The following GALNT13 variants were observed in gnomAD, a reference collection of about 807,000 sequenced individuals.
GALNT13 encodes the protein UDP-GalNAc:polypeptide N-acetylgalactosaminyltransferase 13.
In GALNT13, 28 loss-of-function variants were observed where a neutral mutation model predicts 64.2. The ratio of observed to expected loss-of-function variants is 0.44; its 90% confidence interval spans 0.32 to 0.60. The LOEUF is 0.60. Ranked by LOEUF, GALNT13 falls within the 20% of genes least tolerant of loss-of-function variation. The pLI, the probability that GALNT13 is intolerant of heterozygous loss-of-function variation, is 0.05. For synonymous variants in GALNT13, 214 were observed against 224.6 expected (o/e 0.95, Z 0.42); for missense variants, 577 against 669.8 (o/e 0.86, Z 1.53).
chr2:153,187,872 A>T, the GALNT13 span, among the ~76,000 whole-genome samples: 1 of 152,156 alleles, frequency 6.6e-6, no homozygotes, highest in Non-Finnish European at 1.5e-5. Flanking sequence ...AACATATAAA[A>T]TAGGATAAGT....
At chr2:153,961,647 G>T (rs1194374763) in intron 3 of GALNT13, among the ~76,000 whole-genome samples, 6 of 152,038 alleles carry the variant, frequency 3.9e-5, no homozygotes, top group Non-Finnish European at 7.4e-5. Flanking sequence ...TTAGCAAAAT[G>T]CTTTCAAAAA....
intron 11 of GALNT13, among the ~76,000 whole-genome samples, chr2:154,434,812 T>C (rs1471738039): frequency 6.6e-6 from 1 of 152,166 alleles, no homozygotes; most frequent in South Asian, 2.1e-4. Flanking sequence ...TACAAAGAGC[T>C]CTACATGTTA....
chr2:154,333,811 G>A (rs1695295266), intron 9 of GALNT13, among the ~76,000 whole-genome samples: 1 of 131,172 alleles, frequency 7.6e-6, no homozygotes, highest in South Asian at 2.4e-4. Context: ...TCCCTGTTAA[G>A]AGAAAATGTA....
the GALNT13 span, among the ~76,000 whole-genome samples, chr2:153,690,364 C>G: frequency 6.6e-6 from 1 of 152,038 alleles, no homozygotes; most frequent in South Asian, 2.1e-4. Context: ...TGTCTTCATG[C>G]TGGTATTTAT....
the GALNT13 span, among the ~76,000 whole-genome samples, chr2:153,757,658 C>CT: frequency 6.6e-6 from 1 of 152,082 alleles, no homozygotes; most frequent in Non-Finnish European, 1.5e-5. Context: ...TATCTTTCAT[C>CT]TTTTTGATAA....
the GALNT13 span, among the ~76,000 whole-genome samples, chr2:153,178,246 A>G: frequency 1.3e-5 from 2 of 152,222 alleles, no homozygotes; most frequent in Admixed American, 6.5e-5. Flanking sequence ...GCTGGATCAT[A>G]TGATAATATT....
chr2:153,209,184 G>A, the GALNT13 span, among the ~76,000 whole-genome samples: 4 of 151,748 alleles, frequency 2.6e-5, no homozygotes, highest in East Asian at 1.9e-4. Context: ...GTTTCACCAT[G>A]TTAGCCAGGA....
At chr2:153,405,967 G>A in the GALNT13 span, among the ~76,000 whole-genome samples, 2 of 152,170 alleles carry the variant, frequency 1.3e-5, no homozygotes, top group African/African-American at 4.8e-5. Flanking sequence ...GAGGAAAGTA[G>A]GATTGGCAGG....
the GALNT13 span, among the ~76,000 whole-genome samples, chr2:153,400,073 G>A: frequency 6.6e-6 from 1 of 151,716 alleles, no homozygotes. Flanking sequence ...GTCATAGATA[G>A]CTCTTATTAT....
intron 9 of GALNT13, among the ~76,000 whole-genome samples, chr2:154,369,352 G>A (rs10201918): frequency 0.45 from 68,930 of 151,844 alleles, 15,957 homozygotes; most frequent in Admixed American, 0.57. Context: ...CTTGACTGAC[G>A]TAATACATAT....
chr2:153,307,083 A>G, the GALNT13 span, among the ~76,000 whole-genome samples: 3 of 152,334 alleles, frequency 2.0e-5, no homozygotes, highest in South Asian at 4.1e-4. Context: ...TTTTTTCTAT[A>G]TATCCATGAC....
At chr2:153,553,543 A>G in the GALNT13 span, among the ~76,000 whole-genome samples, 2 of 152,224 alleles carry the variant, frequency 1.3e-5, no homozygotes, top group Non-Finnish European at 2.9e-5. Flanking sequence ...GAGCAGGTCA[A>G]TGAATGATTG....
chr2:153,920,226 G>T (rs1293738062), intron 2 of GALNT13, among the ~76,000 whole-genome samples: 9 of 151,034 alleles, frequency 6.0e-5, no homozygotes, highest in Non-Finnish European at 1.3e-4. Context: ...AAATAACTTA[G>T]AATATGCATT....
the GALNT13 span, among the ~76,000 whole-genome samples, chr2:153,129,862 C>T: frequency 6.6e-6 from 1 of 152,116 alleles, no homozygotes; most frequent in African/African-American, 2.4e-5. Flanking sequence ...ATTCTTAGGA[C>T]TTGCTCTATA....
chr2:153,310,154 G>A, the GALNT13 span, among the ~76,000 whole-genome samples: 1 of 151,968 alleles, frequency 6.6e-6, no homozygotes, highest in Non-Finnish European at 1.5e-5. Flanking sequence ...TAATTTACCA[G>A]GGATTAATTT....
chr2:153,838,531 T>G, the GALNT13 span, among the ~76,000 whole-genome samples: 1 of 151,968 alleles, frequency 6.6e-6, no homozygotes, highest in Non-Finnish European at 1.5e-5. Context: ...TTCCCCATTG[T>G]GTATTTTTGA....
the GALNT13 span, among the ~76,000 whole-genome samples, chr2:153,475,246 T>G: frequency 6.6e-6 from 1 of 152,028 alleles, no homozygotes; most frequent in Non-Finnish European, 1.5e-5. Context: ...TGGAGAGAAG[T>G]GTTGTTGGCA....
the GALNT13 span, among the ~76,000 whole-genome samples, chr2:153,171,462 C>G: frequency 6.6e-6 from 1 of 152,048 alleles, no homozygotes; most frequent in Non-Finnish European, 1.5e-5. Flanking sequence ...TCAAGGTACT[C>G]ACTAGAATGG....
At chr2:153,673,791 T>G in the GALNT13 span, among the ~76,000 whole-genome samples, 1 of 152,040 alleles carries the variant, frequency 6.6e-6, no homozygotes, top group Admixed American at 6.6e-5. Flanking sequence ...TGACATGATT[T>G]TACATTTAGA....
Sources: gnomAD v4.1 joint callset for allele counts (sites outside exome capture counted in the v4.1 genomes callset) on GRCh38, gnomAD v4.1.1 for gene constraint, MANE v1.5 for transcripts, NCBI Gene and HGNC (gene_info 2026-07-23, HGNC 2026-07-21) for gene names.